The following DCAF1 variants were observed in gnomAD, a reference collection of about 807,000 sequenced individuals.
DCAF1 encodes the protein DDB1- and CUL4-associated factor 1.
DCAF1 carries 15 observed loss-of-function variants against 128.0 expected under a neutral mutation model. That is an observed-to-expected ratio of 0.12 (90% CI 0.08 to 0.18). The LOEUF is 0.18. Among genes scored for constraint, DCAF1 ranks in the 10% least tolerant of loss-of-function variants. The pLI is 1.00. For synonymous variants in DCAF1, 610 were observed against 603.0 expected, an observed-to-expected ratio of 1.01 and a Z score of -0.17; for missense variants, 988 against 1,649.5, an observed-to-expected ratio of 0.60 and a Z score of 6.95.
intron 2 of DCAF1, among the ~76,000 whole-genome samples, chr3:51,489,468 G>A (rs934157316): frequency 1.3e-5 from 2 of 151,938 alleles, no homozygotes; most frequent in South Asian, 2.1e-4. Context: ...ACTCTACTAG[G>A]GTCCTAGGCA....
rs1217489487 is a variant in DCAF1, at chr3:51,485,422, C to G, written c.-8-1586G>C. ...ACTAGGAATGCAGAAGGGCAGGGAGCTGAGGTGAGCTTTGGAGGACCAAAT... is the reference window on the plus strand; with the variant it reads ...ACTAGGAATGCAGAAGGGCAGGGAGGTGAGGTGAGCTTTGGAGGACCAAAT... On this transcript the variant is annotated intron_variant, in intron 2 of 24. Coordinates refer to ENST00000684031, the MANE Select transcript of DCAF1 (RefSeq NM_001387579.1). 4.6e-5 allele frequency among the ~76,000 whole-genome samples: 7 copies of G among 152,258 alleles called. No individual in the cohort carries two copies. In the East Asian group the frequency reaches 7.7e-4, roughly 17 times the overall value.
chr3:51,494,662 C>T (rs1708046169), intron 2 of DCAF1, among the ~76,000 whole-genome samples: 1 of 152,044 alleles, frequency 6.6e-6, no homozygotes, highest in South Asian at 2.1e-4. Flanking sequence ...AAAACACTAC[C>T]TCTAATAAAG....
chr3:51,418,186 G>T lies in DCAF1; in HGVS notation c.3448C>A (p.Leu1150Met), dbSNP rs782230078. 3 of 1,611,316 alleles carry T rather than the reference G, an allele frequency of 1.9e-6. No individual in the cohort carries two copies. The highest frequency in any genetic ancestry group is 1.7e-6 in the Non-Finnish European group (2 of 1,178,736). The change falls in exon 17 of 25, where the codon CTG (leucine) becomes ATG (methionine). Residue 1150 changes from leucine (L) to methionine (M), a missense_variant. This residue lies in a region of DCAF1 where 105 missense variants were observed against 266.7 expected (regional missense o/e 0.39). Coordinates refer to ENST00000684031, the MANE Select transcript of DCAF1 (RefSeq NM_001387579.1). The stretch of plus-strand genomic sequence containing the variant: ...TGGCTCCAAGTAGCAGATGTCAGCA[G>T]CAAGGACCCATCCTAAAAGAAAAAG... Reference protein sequence around the residue: ...HLEPSRDGSLLLTSATWSQPL... With the variant: ...HLEPSRDGSLMLTSATWSQPL...
chr3:51,438,138 T>A (rs949963742), intron 9 of DCAF1: 6 of 389,482 alleles, frequency 1.5e-5, no homozygotes, highest in African/African-American at 4.3e-5. Context: ...CATTTTTTTT[T>A]AACTGTAATT....
chr3:51,434,171 G>GA (rs1700623153), intron 9 of DCAF1, among the ~76,000 whole-genome samples: 43 of 152,098 alleles, frequency 2.8e-4, no homozygotes, highest in Non-Finnish European at 7.4e-5. Flanking sequence ...AGAGGCCAAG[G>GA]TGAAAAGACT....
At chr3:51,494,376 A>G (rs1166335795) in intron 2 of DCAF1, among the ~76,000 whole-genome samples, 2 of 152,072 alleles carry the variant, frequency 1.3e-5, no homozygotes, top group East Asian at 3.9e-4. Context: ...AGCCTCCCAA[A>G]GTGCTGGGAT....
chr3:51,405,900 G>A (rs1011309370), intron 23 of DCAF1, among the ~76,000 whole-genome samples: 3 of 152,058 alleles, frequency 2.0e-5, no homozygotes, highest in Non-Finnish European at 4.4e-5. Context: ...TGGGCACAAC[G>A]GCACACACCT....
At chr3:51,415,396 G>A (rs1442562666) in intron 18 of DCAF1, among the ~76,000 whole-genome samples, 1 of 152,178 alleles carries the variant, frequency 6.6e-6, no homozygotes, top group Non-Finnish European at 1.5e-5. Context: ...TCAGGAGGCT[G>A]AGGTAAGAGG....
upstream of DCAF1, among the ~76,000 whole-genome samples, chr3:51,501,862 G>A (rs1225649337): frequency 3.3e-5 from 5 of 152,060 alleles, no homozygotes; most frequent in Admixed American, 1.3e-4. Context: ...GCTGGGCCCT[G>A]AGCCAAGTGT....
At chr3:51,502,538 CAG>C (rs781887472), upstream of DCAF1, among the ~76,000 whole-genome samples, 2 of 151,886 alleles carry the variant, frequency 1.3e-5, no homozygotes, top group African/African-American at 2.4e-5. Flanking sequence ...GCCTGGGTGA[CAG>C]AGAGAGACTC....
At chr3:51,485,174 C>T (rs547318602) in intron 2 of DCAF1, among the ~76,000 whole-genome samples, 319 of 152,346 alleles carry the variant, frequency 2.1e-3, no homozygotes, top group African/African-American at 7.5e-3. Flanking sequence ...CTCAGCCTCC[C>T]AAAGTGCTGG....
Position 51,403,253 on chromosome 3 carries a change from T to C in DCAF1, c.4355A>G (p.Asn1452Ser). The C allele has an allele frequency of 6.2e-7, 1 of 1,613,590 alleles. No individual in the cohort carries two copies. Among genetic ancestry groups the C allele is most frequent in the Non-Finnish European group, 8.5e-7 (1 of 1,179,762 alleles). ...NNENAGEDGDNDFSPSDEELA... is the reference protein window; with the variant it reads ...NNENAGEDGDSDFSPSDEELA... Reference sequence around the variant, plus strand: ...CTCCTCATCAGAGGGAGAGAAGTCATTGTCCCCATCTTCCCCTGCGTTCTC... The same window carrying C: ...CTCCTCATCAGAGGGAGAGAAGTCACTGTCCCCATCTTCCCCTGCGTTCTC... Residue 1452 changes from asparagine (N) to serine (S), a missense_variant, in exon 24 of 25, where the codon AAT becomes AGT. By Grantham distance (46) the Asn-to-Ser change is conservative. Coordinates refer to ENST00000684031, the MANE Select transcript of DCAF1 (RefSeq NM_001387579.1).
intron 2 of DCAF1, among the ~76,000 whole-genome samples, chr3:51,493,649 G>A (rs1336473759): frequency 1.3e-5 from 2 of 151,986 alleles, no homozygotes; most frequent in Non-Finnish European, 2.9e-5. Flanking sequence ...GAAAAACCTT[G>A]AAAACAATAA....
intron 24 of DCAF1, among the ~76,000 whole-genome samples, chr3:51,400,403 G>A (rs2089577489): frequency 1.3e-5 from 2 of 152,284 alleles, no homozygotes; most frequent in African/African-American, 2.4e-5. Context: ...AGCCAACAAT[G>A]CCAGACCCAC....
rs1322980621 is a variant in DCAF1, at chr3:51,418,540, T to C, written c.3435+138A>G. On this transcript the variant is annotated intron_variant, in intron 16 of 24. Coordinates refer to ENST00000684031, the MANE Select transcript of DCAF1 (RefSeq NM_001387579.1). ...TATTCCTCAGTCTCCATCTGAAATA[T>C]GAATTAACCTCAACTAGACTTTCCA... 5.0e-6 allele frequency: 7 copies of C among 1,401,838 alleles called. No homozygotes were observed. In the Admixed American group the frequency reaches 1.2e-4, roughly 24 times the overall value. The allele number at this position is 1,401,838 out of a possible 1,614,324, so 86.8% of individuals were successfully genotyped here. A position where few individuals can be genotyped will look rare whatever the true frequency, so the allele number is the denominator to read the frequency against.
chr3:51,446,185 G>A (rs1701834913), intron 6 of DCAF1, among the ~76,000 whole-genome samples: 1 of 151,846 alleles, frequency 6.6e-6, no homozygotes, highest in African/African-American at 2.4e-5. Flanking sequence ...AGTGGAGACG[G>A]GGTTTCACCA....
intron 23 of DCAF1, among the ~76,000 whole-genome samples, chr3:51,405,727 C>CA (rs1174448855): frequency 2.6e-5 from 4 of 152,148 alleles, no homozygotes; most frequent in Non-Finnish European, 4.4e-5. Context: ...TGGCAGAACC[C>CA]AAAAGAGATT....
rs1306442332 is a variant in DCAF1, at chr3:51,443,956, T to A, written c.376-53A>T. 7.3e-6 allele frequency: 11 copies of A among 1,509,304 alleles called. No homozygotes were observed. The African/African-American group carries it at 1.5e-4, about 21-fold the overall frequency. 93.5% of individuals were successfully genotyped at this position (1,509,304 alleles called of 1,614,324 possible). ...TTTCGGAAAAAGCCCAAGTTCATGA[T>A]TAACAATAAGCAAAGATTTCAGTCT... On this transcript the variant is annotated intron_variant, in intron 6 of 24. Coordinates refer to ENST00000684031, the MANE Select transcript of DCAF1 (RefSeq NM_001387579.1).
At chr3:51,504,567 C>T (rs1708897699), upstream of DCAF1, among the ~76,000 whole-genome samples, 2 of 152,096 alleles carry the variant, frequency 1.3e-5, no homozygotes, top group South Asian at 2.1e-4. Flanking sequence ...AGGCTGGTCT[C>T]GAACTCCTGA....
Sources: gnomAD v4.1 joint callset for allele counts (sites outside exome capture counted in the v4.1 genomes callset) on GRCh38, gnomAD v4.1.1 for gene constraint, gnomAD v4.1.1 regional missense constraint, MANE v1.5 for transcripts, NCBI Gene and HGNC (gene_info 2026-07-23, HGNC 2026-07-21) for gene names.